The following PLG variants were observed in gnomAD, a reference collection of about 807,000 sequenced individuals.
PLG encodes plasminogen, also known as plasmin.
In PLG, 41 loss-of-function variants were observed where a neutral mutation model predicts 104.4. The observed-to-expected ratio is 0.39, with a 90% CI of 0.31 to 0.51. The LOEUF is 0.51. PLG is among the 20% of genes least tolerant of loss of function. The pLI is 0.76. For missense variants in PLG, 891 were observed against 1,003.6 expected (o/e 0.89, Z 1.52); for synonymous variants, 337 against 357.1 (o/e 0.94, Z 0.63).
Position 160,711,202 on chromosome 6 carries a change from C to T in PLG, c.407+11C>T. ...TCCCCACAGACCTAGGTAAGACATT[C>T]CCTTTCATCTTTGTGTTCATCTACT... On this transcript the variant is annotated intron_variant, in intron 4 of 18. Coordinates refer to ENST00000308192, the MANE Select transcript of PLG (RefSeq NM_000301.5). 6.2e-7 allele frequency: 1 copy of T among 1,612,374 alleles called. No individual in the cohort carries two copies. The highest frequency in any genetic ancestry group is 1.1e-5 in the South Asian group (1 of 90,902).
Position 160,707,741 on chromosome 6 carries a change from T to C in PLG, c.227T>C (p.Met76Thr), listed in dbSNP as rs1453366737. The C allele has an allele frequency of 1.2e-6, 2 of 1,611,460 alleles. No homozygotes were observed. Among genetic ancestry groups the C allele is most frequent in the Non-Finnish European group, 1.7e-6 (2 of 1,179,462 alleles). ...YHSKEQQCVIMAENRKSSIII... is the reference protein window; with the variant it reads ...YHSKEQQCVITAENRKSSIII... ...AGTAAAGAGCAACAATGTGTGATAA[T>C]GGCTGAAAACAGGAAGTCCTCCATA... is the stretch of plus-strand genomic sequence containing the variant. The change falls in exon 3 of 19, where the codon ATG becomes ACG. Residue 76 changes from methionine (M) to threonine (T), a missense_variant. Coordinates refer to ENST00000308192, the MANE Select transcript of PLG (RefSeq NM_000301.5).
At position 160,722,499 on chromosome 6, in the gene PLG, GA is replaced by G; in HGVS notation, c.1190del (p.Lys397SerfsTer8). On this transcript the variant is annotated frameshift_variant, in exon 10 of 19. Transcript: ENST00000308192. LOFTEE classifies it high-confidence loss of function. Reference protein sequence around the residue: ...GTSSTTTTGKKCQSWSSMTPH... With the variant: ...GTSSTTTTGKXCQSWSSMTPH... Reference sequence around the variant, plus strand: ...CATCCTCCACCACCACCACAGGAAAGAAGTGTCAGTCTTGGTCATCTATGAC... The same window carrying G: ...CATCCTCCACCACCACCACAGGAAAGAGTGTCAGTCTTGGTCATCTATGAC... 1 of 1,613,882 alleles carries G rather than the reference GA, an allele frequency of 6.2e-7. No individual in the cohort carries two copies. The highest frequency in any genetic ancestry group is 8.5e-7 in the Non-Finnish European group (1 of 1,179,808).
chr6:160,716,424 G>T (rs1777731187), intron 6 of PLG, among the ~76,000 whole-genome samples: 1 of 152,066 alleles, frequency 6.6e-6, no homozygotes, highest in African/African-American at 2.4e-5. Flanking sequence ...GCAATAAGTG[G>T]GACCCTGTCT....
At position 160,752,132 on chromosome 6, in the gene PLG, C is replaced by T; in HGVS notation, c.2143C>T (p.Leu715Phe). Reference protein sequence around the residue: ...GETQGTFGAGLLKEAQLPVIE... With the variant: ...GETQGTFGAGFLKEAQLPVIE... ...AAACACAGGTACTTTTGGAGCTGGC[C>T]TTCTCAAGGAAGCCCAGCTCCCTGT... The change falls in exon 18 of 19, where the codon CTT becomes TTT. Residue 715 changes from leucine (L) to phenylalanine (F), a missense_variant. Transcript: ENST00000308192. The surrounding 1 kb of genome is among the most constrained non-coding windows in gnomAD (Gnocchi z 4.7). The T allele has an allele frequency of 6.2e-7, 1 of 1,613,550 alleles. No homozygotes were observed. Among genetic ancestry groups the T allele is most frequent in the Non-Finnish European group, 8.5e-7 (1 of 1,179,480 alleles).
rs74686645 is a variant in PLG, at chr6:160,750,081, T to A, written c.2126-2034T>A. 4.1e-3 allele frequency among the ~76,000 whole-genome samples: 621 copies of A among 152,318 alleles called. 3 individuals carry two copies. The highest frequency in any genetic ancestry group is 6.9e-3 in the Non-Finnish European group (470 of 68,020). On this transcript the variant is annotated intron_variant, in intron 17 of 18. Transcript: ENST00000308192. ...AATTTTCTACATGTCAATAATGACA[T>A]TGAAGCAATGGGTGTTCTCTGCTTC...
rs1022141939 is a variant in PLG, at chr6:160,735,786, T to C, written c.1682-1101T>C. ...TAGGAGCAGGGTACCATCATTTCTG[T>C]AGTTACTCTTTTAGTACAACGATGC... On this transcript the variant is annotated intron_variant, in intron 13 of 18. Transcript: ENST00000308192. The surrounding 1 kb of genome is among the most constrained non-coding windows in gnomAD (Gnocchi z 5.4). Among the ~76,000 whole-genome samples the C allele has an allele frequency of 1.3e-5, 2 of 152,212 alleles. No homozygotes were observed. Among genetic ancestry groups the C allele is most frequent in the African/African-American group, 2.4e-5 (1 of 41,448 alleles).
Position 160,737,046 on chromosome 6 carries a change from A to G in PLG, c.1802+39A>G, listed in dbSNP as rs1342643726. The G allele has an allele frequency of 1.2e-6, 2 of 1,610,196 alleles. No homozygotes were observed. The highest frequency in any genetic ancestry group is 1.7e-6 in the Non-Finnish European group (2 of 1,178,830). The stretch of plus-strand genomic sequence containing the variant: ...CAGAAACGATTTATACTGTCCCTCC[A>G]CGTAAGCCCTGCAAAACCCTTCTAC... On this transcript the variant is annotated intron_variant, in intron 14 of 18. Coordinates refer to ENST00000308192, the MANE Select transcript of PLG (RefSeq NM_000301.5). The surrounding 1 kb of genome is among the most constrained non-coding windows in gnomAD (Gnocchi z 4.7).
Position 160,753,009 on chromosome 6 carries a change from T to C in PLG, c.2381T>C (p.Val794Ala), listed in dbSNP as rs1350365768. Residue 794 changes from valine (V) to alanine (A), a missense_variant, in exon 19 of 19, where the codon GTT becomes GCT. Transcript: ENST00000308192. The surrounding 1 kb of genome is among the most constrained non-coding windows in gnomAD (Gnocchi z 5.4). ...CGCCCCAATAAGCCTGGTGTCTATG[T>C]TCGTGTTTCAAGGTTTGTTACTTGG... ...CARPNKPGVYVRVSRFVTWIE... is the reference protein window; with the variant it reads ...CARPNKPGVYARVSRFVTWIE... 2.5e-6 allele frequency: 4 copies of C among 1,602,296 alleles called. No homozygotes were observed. Among genetic ancestry groups the C allele is most frequent in the Middle Eastern group, 3.3e-4 (2 of 6,036 alleles).
At chr6:160,748,346 G>T (rs544930230) in intron 17 of PLG, among the ~76,000 whole-genome samples, 2 of 82,596 alleles carry the variant, frequency 2.4e-5, no homozygotes, top group South Asian at 4.7e-4. Flanking sequence ...AGGAAGAAAA[G>T]AAAGAGAAAG....
At position 160,738,742 on chromosome 6, in the gene PLG, C is replaced by T; in HGVS notation, c.1877+130C>T. On this transcript the variant is annotated intron_variant, in intron 15 of 18. Transcript: ENST00000308192. This position sits in a 1 kb window ranked among gnomAD's most constrained non-coding sequence, Gnocchi z 6.8. ...TCTGGCTGTGACACTAGGGACCAGG[C>T]CAGGGCAATTGGATAAGAGAGAAGG... 1.3e-6 allele frequency: 1 copy of T among 758,300 alleles called. No individual in the cohort carries two copies. Among genetic ancestry groups the T allele is most frequent in the Non-Finnish European group, 2.4e-6 (1 of 421,930 alleles). 47.0% of individuals were successfully genotyped at this position (758,300 alleles called of 1,614,324 possible).
rs756287836 is a variant in PLG at position 160,716,688 on chromosome 6, G to A, written c.712G>A (p.Asp238Asn). The A allele has an allele frequency of 1.7e-5, 27 of 1,613,626 alleles. No homozygotes were observed. Among genetic ancestry groups the A allele is most frequent in the Middle Eastern group, 1.7e-4 (1 of 6,060 alleles). ...GAAGAAGAATTACTGTCGTAACCCC[G>A]ATAGGGAGCTGCGGCCTTGGTGTTT... ...NLKKNYCRNP[D>N]RELRPWCFTT... The change falls in exon 7 of 19, where the codon GAT (aspartate) becomes AAT (asparagine). Residue 238 changes from aspartate to asparagine, a missense_variant. Asp to Asn is a conservative substitution (Grantham distance 23). This residue lies in a region of PLG where 854 missense variants were observed against 932.1 expected (regional missense o/e 0.92). Coordinates refer to ENST00000308192, the MANE Select transcript of PLG (RefSeq NM_000301.5).
rs975808906 is a variant in PLG, at chr6:160,723,713, T to C, written c.1256+1146T>C. On this transcript the variant is annotated intron_variant, in intron 10 of 18. Coordinates refer to ENST00000308192, the MANE Select transcript of PLG (RefSeq NM_000301.5). This position sits in a 1 kb window ranked among gnomAD's most constrained non-coding sequence, Gnocchi z 4.7. ...ACAGGGAGAGGTTCCAGAGAGAAAA[T>C]AGGATAAAGAACAGCTACTGGGGAA... Among the ~76,000 whole-genome samples, 4 of 151,740 alleles carry C rather than the reference T, an allele frequency of 2.6e-5. No homozygotes were observed. The highest frequency in any genetic ancestry group is 4.8e-5 in the African/African-American group (2 of 41,304).
At chr6:160,722,875 C>G (rs1453808432) in intron 10 of PLG, among the ~76,000 whole-genome samples, 1 of 152,062 alleles carries the variant, frequency 6.6e-6, no homozygotes, top group Non-Finnish European at 1.5e-5. Flanking sequence ...TTCCACAATG[C>G]CCACTAAATA....
Position 160,737,502 on chromosome 6 carries a change from CA to C in PLG, c.1802+502del, listed in dbSNP as rs953707092. 7.2e-4 allele frequency among the ~76,000 whole-genome samples: 110 copies of C among 152,104 alleles called. No individual in the cohort carries two copies. The highest frequency in any genetic ancestry group is 1.2e-3 in the Admixed American group (19 of 15,268). On this transcript the variant is annotated intron_variant, in intron 14 of 18. Transcript: ENST00000308192. This position sits in a 1 kb window ranked among gnomAD's most constrained non-coding sequence, Gnocchi z 4.7. ...CAGAGGCTACTCATCCATTCGCAAACAAAAAAATTCTAGGTCATGATCCCCA... is the reference window on the plus strand; with the variant it reads ...CAGAGGCTACTCATCCATTCGCAAACAAAAAATTCTAGGTCATGATCCCCA...
At chr6:160,715,654 C>CT (rs1221792130) in intron 6 of PLG, among the ~76,000 whole-genome samples, 5 of 152,178 alleles carry the variant, frequency 3.3e-5, no homozygotes, top group African/African-American at 7.2e-5. Context: ...CATACCAGGG[C>CT]TTTCAAGAAT....
In PLG at chr6:160,726,525, G is replaced by A. The variant is rs1777924919; in HGVS notation, c.1256+3958G>A. Among the ~76,000 whole-genome samples, 1 of 151,810 alleles carries A rather than the reference G, an allele frequency of 6.6e-6. No individual in the cohort carries two copies. Among genetic ancestry groups the A allele is most frequent in the Admixed American group, 6.6e-5 (1 of 15,264 alleles). ...GGCATTTCTCAAAGTATGCTCTGGA[G>A]AAACCTGAAGTCTCTTGAGATCCCT... On this transcript the variant is annotated intron_variant, in intron 10 of 18. Coordinates refer to ENST00000308192, the MANE Select transcript of PLG (RefSeq NM_000301.5). This position sits in a 1 kb window ranked among gnomAD's most constrained non-coding sequence, Gnocchi z 4.4.
rs1582955642 is a variant in PLG at position 160,752,776 on chromosome 6, T to G, written c.2272-124T>G. On this transcript the variant is annotated intron_variant, in intron 18 of 18. Transcript: ENST00000308192. This position sits in a 1 kb window ranked among gnomAD's most constrained non-coding sequence, Gnocchi z 4.7. ...CACTGCAGATGCTTGAGTAATATGC[T>G]CATAAGTTCCTTTCTGATTTCAATT... 2.5e-6 allele frequency: 3 copies of G among 1,204,890 alleles called. No homozygotes were observed. In the East Asian group the frequency reaches 7.1e-5, roughly 28 times the overall value. 74.6% of individuals were successfully genotyped at this position (1,204,890 alleles called of 1,614,324 possible).
rs1777878590 is a variant in PLG, at chr6:160,723,500, A to C, written c.1256+933A>C. ...ACTTCCTGGGCTGAAGAACAAGGAGATGGAGCCCAAGCCGACCACAGCAGT... is the reference window on the plus strand; with the variant it reads ...ACTTCCTGGGCTGAAGAACAAGGAGCTGGAGCCCAAGCCGACCACAGCAGT... On this transcript the variant is annotated intron_variant, in intron 10 of 18. Coordinates refer to ENST00000308192, the MANE Select transcript of PLG (RefSeq NM_000301.5). This position sits in a 1 kb window ranked among gnomAD's most constrained non-coding sequence, Gnocchi z 4.7. Among the ~76,000 whole-genome samples the C allele has an allele frequency of 1.3e-5, 2 of 152,180 alleles. No homozygotes were observed. The highest frequency in any genetic ancestry group is 6.6e-5 in the Admixed American group (1 of 15,266).
chr6:160,738,597 C>A lies in PLG; in HGVS notation c.1862C>A (p.Ala621Asp). ...TCCCCAGAGTGGGTGTTGACTGCTG[C>A]CCACTGCTTGGAGAAGTATGTTTAG... The part of the protein sequence containing the change: ...LISPEWVLTA[A>D]HCLEKSPRPS... Residue 621 changes from alanine (A) to aspartate (D), a missense_variant, in exon 15 of 19, where the codon GCC becomes GAC. This residue lies in a region of PLG where 854 missense variants were observed against 932.1 expected (regional missense o/e 0.92). Transcript: ENST00000308192. This position sits in a 1 kb window ranked among gnomAD's most constrained non-coding sequence, Gnocchi z 6.8. 6.2e-7 allele frequency: 1 copy of A among 1,605,490 alleles called. No individual in the cohort carries two copies. Among genetic ancestry groups the A allele is most frequent in the Non-Finnish European group, 8.5e-7 (1 of 1,172,094 alleles).
Sources: allele counts gnomAD v4.1 joint callset (sites outside exome capture counted in the v4.1 genomes callset), GRCh38; gene constraint gnomAD v4.1.1; regional missense constraint gnomAD v4.1.1; non-coding constraint Gnocchi (gnomAD v3.1); transcripts MANE v1.5; gene names NCBI Gene and HGNC (gene_info 2026-07-23, HGNC 2026-07-21).